KCNJ6: variants seen among roughly 807,000 people sequenced by gnomAD.
KCNJ6 encodes the protein G protein-activated inward rectifier potassium channel 2.
A neutral mutation model predicts 34.2 loss-of-function variants in KCNJ6; 9 were observed. The ratio of observed to expected loss-of-function variants is 0.26; its 90% CI spans 0.16 to 0.46. The LOEUF (loss-of-function observed/expected upper bound fraction) is 0.46, where lower values mean the gene tolerates loss of function less well. Among genes scored for constraint, KCNJ6 ranks in the 20% least tolerant of loss-of-function variants. The pLI is 1.00. For missense variants in KCNJ6, 236 were observed against 531.3 expected, an observed-to-expected ratio of 0.44 and a Z score of 5.46; for synonymous variants, 196 against 207.1, an observed-to-expected ratio of 0.95 and a Z score of 0.46.
rs537802817 is a variant in KCNJ6, at chr21:37,607,659, C to T, written c.*17500G>A. The T allele has an allele frequency of 4.5e-4, 68 of 152,080 alleles. No individual in the cohort carries two copies. The highest frequency in any genetic ancestry group is 1.6e-3 in the African/African-American group (68 of 41,480). The allele number at this position is 152,080 out of a possible 1,614,324, so 9.4% of individuals were successfully genotyped here. A position where few individuals can be genotyped will look rare whatever the true frequency, so the allele number is the denominator to read the frequency against. On this transcript the variant is annotated 3_prime_UTR_variant, in exon 4 of 4. Transcript: ENST00000609713. ...CAGGAGCCAAACCAGTACTTGAGCC[C>T]TACCTGGTGTTCCTTCCTAAAAAGC... is the stretch of plus-strand genomic sequence containing the variant.
intron 1 of KCNJ6, among the ~76,000 whole-genome samples, chr21:37,892,930 G>A (rs1885162137): frequency 6.7e-6 from 1 of 149,926 alleles, no homozygotes; most frequent in Non-Finnish European, 1.5e-5. Context: ...TCGGCTCAGT[G>A]CAAGCTCCAC....
At chr21:37,686,553 C>T (rs7279074) in intron 3 of KCNJ6, among the ~76,000 whole-genome samples, 131,296 of 148,304 alleles carry the variant, frequency 0.89, 58,841 homozygotes, top group Non-Finnish European at 0.95. Context: ...CTGCAATCTC[C>T]GCCTCCTGGG....
chr21:37,857,490 G>A (rs1302946547), intron 1 of KCNJ6, among the ~76,000 whole-genome samples: 1 of 152,228 alleles, frequency 6.6e-6, no homozygotes, highest in African/African-American at 2.4e-5. Flanking sequence ...CTGCCATTTT[G>A]CAAAGGGAAT....
chr21:37,817,615 T>C (rs1044700894), intron 2 of KCNJ6, among the ~76,000 whole-genome samples: 2 of 152,054 alleles, frequency 1.3e-5, no homozygotes, highest in Non-Finnish European at 2.9e-5. Flanking sequence ...ACAGAGGGGG[T>C]ATTCTCAGGT....
In KCNJ6 at chr21:37,611,429, A is replaced by C. The variant is rs1329959295; in HGVS notation, c.*13730T>G. Reference sequence around the variant, plus strand: ...CTACCAAAGACTTAAGGAAGAAATGATACTGATTATCTACAATCTCTTTCA... The same window carrying C: ...CTACCAAAGACTTAAGGAAGAAATGCTACTGATTATCTACAATCTCTTTCA... On this transcript the variant is annotated 3_prime_UTR_variant, in exon 4 of 4. Coordinates refer to ENST00000609713, the MANE Select transcript of KCNJ6 (RefSeq NM_002240.5). 5 of 152,234 alleles carry C rather than the reference A, an allele frequency of 3.3e-5. No homozygotes were observed. Among genetic ancestry groups the C allele is most frequent in the Non-Finnish European group, 7.3e-5 (5 of 68,036 alleles). The allele number at this position is 152,234 out of a possible 1,614,324, so 9.4% of individuals were successfully genotyped here.
chr21:37,825,498 C>T (rs1012420415), intron 2 of KCNJ6, among the ~76,000 whole-genome samples: 3 of 152,170 alleles, frequency 2.0e-5, no homozygotes, highest in African/African-American at 7.2e-5. Flanking sequence ...GCACTCAATA[C>T]CTCACTCGAT....
At chr21:37,913,074 G>T (rs765949471) in intron 1 of KCNJ6, among the ~76,000 whole-genome samples, 4 of 152,166 alleles carry the variant, frequency 2.6e-5, no homozygotes, top group Non-Finnish European at 5.9e-5. Context: ...ACTCTGACAG[G>T]CATTCTATTT....
chr21:37,795,432 G>A (rs1156334621), intron 2 of KCNJ6, among the ~76,000 whole-genome samples: 1 of 152,114 alleles, frequency 6.6e-6, no homozygotes. Context: ...CTTGGGTCAT[G>A]TCCTAAAGAA....
intron 2 of KCNJ6, among the ~76,000 whole-genome samples, chr21:37,728,327 T>C (rs2054866130): frequency 6.6e-6 from 1 of 152,176 alleles, no homozygotes; most frequent in South Asian, 2.1e-4. Context: ...TAATGTGTAA[T>C]GGGGACAGTT....
At chr21:37,817,977 G>A (rs1430055645) in intron 2 of KCNJ6, among the ~76,000 whole-genome samples, 1 of 152,124 alleles carries the variant, frequency 6.6e-6, no homozygotes, top group Non-Finnish European at 1.5e-5. Flanking sequence ...GGTAGTTATT[G>A]CTTTTCAGAA....
intron 2 of KCNJ6, among the ~76,000 whole-genome samples, chr21:37,753,969 A>G (rs1426365960): frequency 6.6e-6 from 1 of 152,212 alleles, no homozygotes; most frequent in Non-Finnish European, 1.5e-5. Flanking sequence ...CTGACTCTTT[A>G]GAGCACGGGG....
chr21:37,885,788 C>A (rs1386742602), intron 1 of KCNJ6, among the ~76,000 whole-genome samples: 1 of 152,200 alleles, frequency 6.6e-6, no homozygotes, highest in African/African-American at 2.4e-5. Context: ...TGGGCAAAGC[C>A]CAGCCAAGCC....
intron 3 of KCNJ6, among the ~76,000 whole-genome samples, chr21:37,685,429 C>G (rs1300142554): frequency 1.3e-5 from 2 of 148,766 alleles, no homozygotes; most frequent in Non-Finnish European, 3.0e-5. Flanking sequence ...CGCCTGTAAT[C>G]CCAGCACTTT....
chr21:37,891,753 C>CA (rs1213878758), intron 1 of KCNJ6, among the ~76,000 whole-genome samples: 1 of 152,172 alleles, frequency 6.6e-6, no homozygotes, highest in Non-Finnish European at 1.5e-5. Flanking sequence ...ATCCAAGTGC[C>CA]AAAGTCGATC....
At chr21:37,906,645 A>G (rs974792604) in intron 1 of KCNJ6, among the ~76,000 whole-genome samples, 1 of 152,170 alleles carries the variant, frequency 6.6e-6, no homozygotes, top group Non-Finnish European at 1.5e-5. Context: ...GCTGACTTTC[A>G]TCAGCTCTGA....
intron 2 of KCNJ6, among the ~76,000 whole-genome samples, chr21:37,725,736 T>A (rs182358512): frequency 1.9e-4 from 29 of 152,338 alleles, no homozygotes; most frequent in Admixed American, 1.8e-3. Flanking sequence ...TTTATAATAG[T>A]GAAAAATCAG....
At chr21:37,645,958 G>C (rs1402847605) in intron 3 of KCNJ6, among the ~76,000 whole-genome samples, 1 of 72 alleles carries the variant, frequency 0.014, no homozygotes, top group Non-Finnish European at 0.029. Context: ...TTATGACTCT[G>C]TTAAGGACTC....
intron 1 of KCNJ6, among the ~76,000 whole-genome samples, chr21:37,884,654 A>G (rs2055726340): frequency 6.6e-6 from 1 of 152,188 alleles, no homozygotes; most frequent in Non-Finnish European, 1.5e-5. Flanking sequence ...TCCATAGTCT[A>G]TCTGCCCCCA....
intron 2 of KCNJ6, among the ~76,000 whole-genome samples, chr21:37,764,238 C>T (rs1329280608): frequency 6.6e-6 from 1 of 152,126 alleles, no homozygotes; most frequent in Non-Finnish European, 1.5e-5. Flanking sequence ...TTTGAAGGGA[C>T]TTTCTCCTTC....
Sources: allele counts gnomAD v4.1 joint callset (sites outside exome capture counted in the v4.1 genomes callset), GRCh38; gene constraint gnomAD v4.1.1; transcripts MANE v1.5; gene names NCBI Gene and HGNC (gene_info 2026-07-23, HGNC 2026-07-21).